The following WDPCP variants were observed in gnomAD, a reference collection of about 807,000 sequenced individuals.
WDPCP encodes WD repeat-containing and planar cell polarity effector protein fritz homolog.
Under a neutral mutation model 93.1 loss-of-function variants are expected in WDPCP, and 71 were observed. The observed-to-expected ratio is 0.76, with a 90% CI of 0.63 to 0.93. The LOEUF (loss-of-function observed/expected upper bound fraction) is 0.93, where lower values mean the gene tolerates loss of function less well. Among genes scored for constraint, WDPCP ranks in the 40% least tolerant of loss-of-function variants. The pLI, the probability that WDPCP is intolerant of heterozygous loss-of-function variation, is 0.00. For synonymous variants in WDPCP, 315 were observed against 315.0 expected (o/e 1.00, Z 0.00); for missense variants, 844 against 887.4 (o/e 0.95, Z 0.62).
chr2:63,641,672 C>T (rs1054347191), intron 3 of WDPCP, among the ~76,000 whole-genome samples: 2 of 152,070 alleles, frequency 1.3e-5, no homozygotes, highest in Non-Finnish European at 2.9e-5. Flanking sequence ...TGTTTGAGCT[C>T]CTTACTTATT....
At chr2:63,224,091 C>T (rs1678070650) in intron 14 of WDPCP, among the ~76,000 whole-genome samples, 1 of 151,958 alleles carries the variant, frequency 6.6e-6, no homozygotes, top group African/African-American at 2.4e-5. Flanking sequence ...CCTAAAGAGA[C>T]ACCTTACCAA....
chr2:63,316,209 A>G (rs1386787057), intron 12 of WDPCP, among the ~76,000 whole-genome samples: 8 of 152,216 alleles, frequency 5.3e-5, no homozygotes, highest in Non-Finnish European at 1.2e-4. Flanking sequence ...GAAAAAGTCT[A>G]ATATGACTAC....
intron 10 of WDPCP, among the ~76,000 whole-genome samples, chr2:63,391,936 A>G (rs1414441383): frequency 2.6e-5 from 4 of 152,188 alleles, no homozygotes; most frequent in Non-Finnish European, 5.9e-5. Context: ...GGAAGAATCA[A>G]TATCGTGAAA....
chr2:63,411,092 T>G (rs554794205), intron 9 of WDPCP, among the ~76,000 whole-genome samples: 293 of 152,282 alleles, frequency 1.9e-3, no homozygotes, highest in African/African-American at 6.8e-3. Flanking sequence ...CACATTCTAT[T>G]CAACAGCACA....
chr2:63,125,212 G>T (rs1669811574), intron 17 of WDPCP, among the ~76,000 whole-genome samples: 1 of 152,116 alleles, frequency 6.6e-6, no homozygotes, highest in Non-Finnish European at 1.5e-5. Flanking sequence ...GCCAAAGGTT[G>T]GCTTGAGGCT....
At chr2:63,133,938 CT>C (rs1670451961) in intron 17 of WDPCP, among the ~76,000 whole-genome samples, 1 of 152,136 alleles carries the variant, frequency 6.6e-6, no homozygotes, top group African/African-American at 2.4e-5. Flanking sequence ...TTCTGTAGAC[CT>C]TTGACTGTTT....
At chr2:63,362,616 A>G (rs1242083193) in intron 12 of WDPCP, among the ~76,000 whole-genome samples, 1 of 152,092 alleles carries the variant, frequency 6.6e-6, no homozygotes, top group African/African-American at 2.4e-5. Flanking sequence ...TCTCTCAGAA[A>G]TTAATTTACT....
intron 1 of WDPCP, among the ~76,000 whole-genome samples, chr2:63,533,147 CAAG>C (rs145537645): frequency 0.26 from 38,853 of 151,820 alleles, 5,851 homozygotes; most frequent in East Asian, 0.72. Flanking sequence ...ATCAATTCAA[CAAG>C]AAGAGCTAAC....
At chr2:63,467,337 G>A (rs1025342164) in intron 6 of WDPCP, among the ~76,000 whole-genome samples, 11 of 151,664 alleles carry the variant, frequency 7.3e-5, no homozygotes, top group Admixed American at 3.3e-4. Context: ...CAAATAAGCC[G>A]GGCATGGTGG....
At chr2:63,588,158 G>A (rs767536207) in intron 1 of WDPCP, 39 bp downstream of exon 1, 1 of 1,551,008 alleles carries the variant, frequency 6.4e-7, no homozygotes, top group South Asian at 1.2e-5. Flanking sequence ...CGGATCCTAA[G>A]GTTAAAAGAA....
intron 14 of WDPCP, among the ~76,000 whole-genome samples, chr2:63,241,878 G>A (rs557592109): frequency 1.3e-5 from 2 of 152,106 alleles, no homozygotes. Flanking sequence ...TGACATGTGT[G>A]AGCCACTGCA....
chr2:63,347,720 G>C, intron 12 of WDPCP, among the ~76,000 whole-genome samples: 2 of 110,378 alleles, frequency 1.8e-5, no homozygotes, highest in East Asian at 7.4e-4. Context: ...ACTTCTGAGA[G>C]GGGGAAATTG....
chr2:63,643,830 TG>T, intron 3 of WDPCP: 1 of 542,298 alleles, frequency 1.8e-6, no homozygotes. Flanking sequence ...ACCTTTCCAT[TG>T]ATCTTAATAA....
At chr2:63,648,797 C>G (rs1217891742) in intron 3 of WDPCP, among the ~76,000 whole-genome samples, 1 of 152,174 alleles carries the variant, frequency 6.6e-6, no homozygotes, top group Non-Finnish European at 1.5e-5. Context: ...GTGAACACAG[C>G]AGAAAGAATG....
At chr2:63,722,122 C>T (rs1407121667) in intron 2 of WDPCP, among the ~76,000 whole-genome samples, 6 of 152,130 alleles carry the variant, frequency 3.9e-5, no homozygotes, top group East Asian at 1.9e-4. Context: ...CCCAAAGTGC[C>T]GAGATTGCAG....
At chr2:63,771,931 T>A (rs1490269721) in intron 2 of WDPCP, among the ~76,000 whole-genome samples, 1 of 152,098 alleles carries the variant, frequency 6.6e-6, no homozygotes, top group Admixed American at 6.6e-5. Flanking sequence ...CCACATTTTC[T>A]TTATCTAGTC....
chr2:63,663,222 C>A (rs2106634990), intron 2 of WDPCP, among the ~76,000 whole-genome samples: 1 of 152,316 alleles, frequency 6.6e-6, no homozygotes. Context: ...CTGTACCCTG[C>A]CCCTTGCCCT....
At chr2:63,710,251 G>T (rs1455716326) in intron 2 of WDPCP, among the ~76,000 whole-genome samples, 1 of 152,140 alleles carries the variant, frequency 6.6e-6, no homozygotes, top group Non-Finnish European at 1.5e-5. Context: ...TAAGATCGGG[G>T]TATTTATTCC....
At position 63,588,294 on chromosome 2, in the gene WDPCP, A is replaced by G. The variant is rs1709020928; in HGVS notation, c.-23T>C. On this transcript the variant is annotated 5_prime_UTR_variant, in exon 1 of 18. Coordinates refer to ENST00000272321, the MANE Select transcript of WDPCP (RefSeq NM_015910.7). The stretch of plus-strand genomic sequence containing the variant: ...CATCACCAGACACTACCCCGGGCAG[A>G]AGGTTCCTAGGCTAGGTCCTCGGAC... The G allele has an allele frequency of 6.4e-7, 1 of 1,565,544 alleles. No homozygotes were observed. Among genetic ancestry groups the G allele is most frequent in the East Asian group, 2.4e-5 (1 of 41,702 alleles).
Sources: gnomAD v4.1 joint callset for allele counts (sites outside exome capture counted in the v4.1 genomes callset) on GRCh38, gnomAD v4.1.1 for gene constraint, MANE v1.5 for transcripts, NCBI Gene and HGNC (gene_info 2026-07-23, HGNC 2026-07-21) for gene names.